DOCK8: variants seen among roughly 807,000 people sequenced by gnomAD.
The protein encoded by DOCK8 is dedicator of cytokinesis 8.
DOCK8 carries 141 observed loss-of-function variants against 245.6 expected under a neutral mutation model. That is an observed-to-expected ratio of 0.57 (90% CI 0.50 to 0.66). The LOEUF (loss-of-function observed/expected upper bound fraction) is 0.66. Among genes scored for constraint, DOCK8 ranks in the 30% least tolerant of loss-of-function variants. The probability of loss-of-function intolerance (pLI) is 0.00; values close to 1 mark genes in which losing one functional copy is unlikely to be tolerated. For missense variants in DOCK8, 2,965 were observed against 2,603.4 expected (o/e 1.14, Z -3.02); for synonymous variants, 1,168 against 970.2 (o/e 1.20, Z -3.79).
At chr9:304,743 G>C (rs2049733680) in intron 5 of DOCK8, 39 bp downstream of exon 5, 1 of 1,613,802 alleles carries the variant, frequency 6.2e-7, no homozygotes, top group Non-Finnish European at 8.5e-7. Flanking sequence ...AGGTTACTGG[G>C]CTCTTCTGCC....
rs138061985 is a variant in DOCK8, at chr9:375,662, A to G, written c.2110-548A>G. On this transcript the variant is annotated intron_variant, in intron 18 of 47. Coordinates refer to ENST00000432829, the MANE Select transcript of DOCK8 (RefSeq NM_203447.4). ...TCTTCTCACAGCATGAGAACAGAACACTAAGGCCCAGAAAGTTTAGTTGAG... is the reference window on the plus strand; with the variant it reads ...TCTTCTCACAGCATGAGAACAGAACGCTAAGGCCCAGAAAGTTTAGTTGAG... Among the ~76,000 whole-genome samples the G allele has an allele frequency of 1.2e-4, 19 of 152,270 alleles. 1 individual carries two copies. Among genetic ancestry groups the G allele is most frequent in the African/African-American group, 4.6e-4 (19 of 41,552 alleles).
At chr9:404,758 T>C (rs1477370200) in intron 26 of DOCK8, among the ~76,000 whole-genome samples, 160 bp from the exon 27 acceptor site, 1 of 152,226 alleles carries the variant, frequency 6.6e-6, no homozygotes, top group Non-Finnish European at 1.5e-5. Flanking sequence ...TTATTAGACC[T>C]CTCTGTAATG....
chr9:288,036 A>T (rs545768367), intron 3 of DOCK8, among the ~76,000 whole-genome samples: 1 of 151,786 alleles, frequency 6.6e-6, no homozygotes, highest in East Asian at 1.9e-4. Context: ...AAACAGTACA[A>T]TGAATTTAGA....
At chr9:463,781 C>T in intron 47 of DOCK8, 94 bp downstream of exon 47, 2 of 1,461,352 alleles carry the variant, frequency 1.4e-6, no homozygotes, top group Non-Finnish European at 1.9e-6. Flanking sequence ...ACTTGGGGAG[C>T]TGCAGAACCT....
At chr9:373,878 C>G (rs185214131) in intron 18 of DOCK8, among the ~76,000 whole-genome samples, 1 of 152,252 alleles carries the variant, frequency 6.6e-6, no homozygotes, top group East Asian at 1.9e-4. Context: ...TCAAAACCAC[C>G]TTCTTATCAT....
intron 7 of DOCK8, among the ~76,000 whole-genome samples, chr9:323,380 C>T (rs921176024): frequency 1.1e-4 from 16 of 151,766 alleles, no homozygotes; most frequent in Non-Finnish European, 1.3e-4. Context: ...CTTGCCACCA[C>T]GCTCGGCCAG....
At chr9:230,153 T>C (rs2047078092) in intron 1 of DOCK8, among the ~76,000 whole-genome samples, 1 of 149,642 alleles carries the variant, frequency 6.7e-6, no homozygotes, top group Non-Finnish European at 1.5e-5. Context: ...GAACATGCGG[T>C]GTTTGGTTTT....
chr9:214,830 A>C, upstream of DOCK8: 1 of 1,599,076 alleles, frequency 6.3e-7, no homozygotes, highest in Non-Finnish European at 8.5e-7. Flanking sequence ...ATTTCGGCTT[A>C]GAAGGTGGAA....
chr9:343,885 C>G (rs1308481507), intron 14 of DOCK8, among the ~76,000 whole-genome samples: 1 of 152,228 alleles, frequency 6.6e-6, no homozygotes, highest in Non-Finnish European at 1.5e-5. Context: ...CATTTAATCA[C>G]CCACAGGTGG....
chr9:322,908 C>A (rs937074222), intron 7 of DOCK8, among the ~76,000 whole-genome samples: 3 of 151,950 alleles, frequency 2.0e-5, no homozygotes, highest in Non-Finnish European at 4.4e-5. Flanking sequence ...GCCTGGACAA[C>A]ATGGTAAGAC....
At chr9:355,351 G>A (rs1361282409) in intron 14 of DOCK8, among the ~76,000 whole-genome samples, 1 of 151,920 alleles carries the variant, frequency 6.6e-6, no homozygotes, top group African/African-American at 2.4e-5. Flanking sequence ...TTACAGGCAT[G>A]TGCCACCACG....
intron 23 of DOCK8, among the ~76,000 whole-genome samples, chr9:389,482 C>T (rs775882743): frequency 1.3e-5 from 2 of 152,140 alleles, no homozygotes; most frequent in Non-Finnish European, 2.9e-5. Flanking sequence ...TAAACCCCAC[C>T]GATCCTGCTT....
chr9:382,375 A>G, intron 21 of DOCK8, 138 bp from the exon 22 acceptor site: 3 of 1,214,322 alleles, frequency 2.5e-6, no homozygotes, highest in Admixed American at 3.4e-5. Context: ...CCCAACCAGG[A>G]TTTGTTAAGA....
At chr9:461,713 T>C (rs1199793634) in intron 46 of DOCK8, among the ~76,000 whole-genome samples, 1 of 151,790 alleles carries the variant, frequency 6.6e-6, no homozygotes, top group Non-Finnish European at 1.5e-5. Flanking sequence ...AGCTAATTTT[T>C]ATATTTTTTG....
intron 26 of DOCK8, among the ~76,000 whole-genome samples, chr9:400,943 A>T (rs1430497311): frequency 6.5e-5 from 7 of 107,870 alleles, no homozygotes; most frequent in Non-Finnish European, 1.1e-4. Context: ...ATCCACCACC[A>T]CCATCACCAC....
intron 45 of DOCK8, among the ~76,000 whole-genome samples, chr9:451,346 G>A (rs1287665588): frequency 1.3e-5 from 2 of 151,828 alleles, no homozygotes; most frequent in Admixed American, 6.6e-5. Flanking sequence ...AATTTGGGCT[G>A]TGTATGGTGC....
In DOCK8 at chr9:286,026, C is replaced by G. The variant is rs747079350; in HGVS notation, c.157-435C>G. 8.7e-4 allele frequency among the ~76,000 whole-genome samples: 133 copies of G among 152,216 alleles called. 1 individual carries two copies. Among genetic ancestry groups the G allele is most frequent in the African/African-American group, 1.9e-4 (8 of 41,440 alleles). ...CCAAAAGAAACACTGTGCCTAAACA[C>G]TCAGCCAAGGAGTGTTGAGTTTGCC... On this transcript the variant is annotated intron_variant, in intron 2 of 47. Coordinates refer to ENST00000432829, the MANE Select transcript of DOCK8 (RefSeq NM_203447.4).
At chr9:212,260 G>C (rs559570121), upstream of DOCK8, among the ~76,000 whole-genome samples, 1 of 152,250 alleles carries the variant, frequency 6.6e-6, no homozygotes, top group South Asian at 2.1e-4. Context: ...GAAAGAGGTC[G>C]GCTTTCTGGG....
chr9:239,569 G>A (rs4524908), intron 1 of DOCK8, among the ~76,000 whole-genome samples: 2 of 152,308 alleles, frequency 1.3e-5, no homozygotes, highest in East Asian at 3.9e-4. Context: ...TCAGGGATTA[G>A]AGACCTGCAA....
Sources: gnomAD v4.1 joint callset for allele counts (sites outside exome capture counted in the v4.1 genomes callset) on GRCh38, gnomAD v4.1.1 for gene constraint, MANE v1.5 for transcripts, NCBI Gene and HGNC (gene_info 2026-07-23, HGNC 2026-07-21) for gene names.